BAZ2B: variants seen among roughly 807,000 people sequenced by gnomAD.
The protein encoded by BAZ2B is bromodomain adjacent to zinc finger domain protein 2B.
BAZ2B carries 91 observed loss-of-function variants against 246.0 expected under a neutral mutation model. The ratio of observed to expected loss-of-function variants is 0.37; its 90% CI spans 0.31 to 0.44. The LOEUF (loss-of-function observed/expected upper bound fraction) is 0.44. Among genes scored for constraint, BAZ2B ranks in the 20% least tolerant of loss-of-function variants. BAZ2B has a pLI of 1.00. For synonymous variants in BAZ2B, 855 were observed against 860.0 expected, an observed-to-expected ratio of 0.99 and a Z score of 0.10; for missense variants, 2,332 against 2,533.7, an observed-to-expected ratio of 0.92 and a Z score of 1.71.
chr2:159,588,852 T>C (rs1036748334), intron 1 of BAZ2B, among the ~76,000 whole-genome samples: 1 of 152,178 alleles, frequency 6.6e-6, no homozygotes, highest in Non-Finnish European at 1.5e-5. Flanking sequence ...AAAATTAAAA[T>C]TGTAGTATGA....
chr2:159,504,406 C>A lies in BAZ2B; in HGVS notation c.-2-25685G>T, dbSNP rs778150734. Among the ~76,000 whole-genome samples, 41 of 152,054 alleles carry A rather than the reference C, an allele frequency of 2.7e-4. 1 individual carries two copies. The highest frequency in any genetic ancestry group is 5.3e-4 in the Non-Finnish European group (36 of 67,998). On this transcript the variant is annotated intron_variant, in intron 2 of 36. Transcript: ENST00000392783. ...TGCAGTGGATATTCACAGGCAGACC[C>A]TAGTGCACTTTAGCCTCTAACTCCT...
At chr2:159,376,520 G>A (rs1425471681) in intron 25 of BAZ2B, among the ~76,000 whole-genome samples, 2 of 152,142 alleles carry the variant, frequency 1.3e-5, no homozygotes, top group Non-Finnish European at 2.9e-5. Context: ...TGTGCTAACA[G>A]TAACATGAAT....
At chr2:159,423,483 A>G (rs1309728692) in intron 13 of BAZ2B, among the ~76,000 whole-genome samples, 2 of 152,236 alleles carry the variant, frequency 1.3e-5, no homozygotes, top group Admixed American at 1.3e-4. Context: ...ACTTAAAAAC[A>G]GAACTACCAT....
intron 1 of BAZ2B, among the ~76,000 whole-genome samples, chr2:159,604,367 C>G (rs763818743): frequency 1.3e-5 from 2 of 152,028 alleles, no homozygotes; most frequent in African/African-American, 2.4e-5. Context: ...CTCAGCCTCT[C>G]GAGTAGCTGG....
chr2:159,466,059 T>C (rs1298086430), intron 3 of BAZ2B, among the ~76,000 whole-genome samples: 8 of 152,192 alleles, frequency 5.3e-5, no homozygotes. Flanking sequence ...CCACAAACCA[T>C]CAAGAGCAGG....
intron 1 of BAZ2B, among the ~76,000 whole-genome samples, chr2:159,611,287 T>C (rs1694668601): frequency 6.6e-6 from 1 of 151,908 alleles, no homozygotes; most frequent in African/African-American, 2.4e-5. Flanking sequence ...AAAGTTCACA[T>C]TTCATACACA....
intron 4 of BAZ2B, among the ~76,000 whole-genome samples, chr2:159,450,891 A>C (rs35235613): frequency 0.36 from 55,363 of 151,806 alleles, 10,878 homozygotes; most frequent in Non-Finnish European, 0.46. Context: ...AGGCATGCAC[A>C]ACCATGCCTG....
chr2:159,679,476 G>A, the BAZ2B span, among the ~76,000 whole-genome samples: 1 of 151,970 alleles, frequency 6.6e-6, no homozygotes. Flanking sequence ...GAACATGTGG[G>A]TTATTTTCTG....
the BAZ2B span, among the ~76,000 whole-genome samples, chr2:159,707,329 C>T: frequency 3.9e-5 from 6 of 152,028 alleles, no homozygotes; most frequent in African/African-American, 1.4e-4. Flanking sequence ...GCAGGAGGGT[C>T]TGGGAGGCCA....
intron 2 of BAZ2B, among the ~76,000 whole-genome samples, chr2:159,498,565 A>C (rs2081391947): frequency 1.3e-5 from 2 of 152,184 alleles, no homozygotes; most frequent in Admixed American, 6.5e-5. Flanking sequence ...AGAAGTTAAT[A>C]TGTAATTTTA....
At chr2:159,459,362 A>T (rs1559498435) in intron 3 of BAZ2B, 1 of 152,228 alleles carries the variant, frequency 6.6e-6, no homozygotes, top group Non-Finnish European at 1.5e-5. Context: ...TTAAAAGGCT[A>T]GAATAACCGG....
At chr2:159,619,549 A>T (rs987429137), upstream of BAZ2B, among the ~76,000 whole-genome samples, 15 of 150,734 alleles carry the variant, frequency 1.0e-4, 1 homozygote, top group Admixed American at 8.6e-4. Context: ...AAAATAATAA[A>T]AACTTTAATT....
chr2:159,681,504 T>C, the BAZ2B span, among the ~76,000 whole-genome samples: 1 of 151,260 alleles, frequency 6.6e-6, no homozygotes, highest in Non-Finnish European at 1.5e-5. Context: ...ATATAGCCAC[T>C]GAAATAAAAA....
At chr2:159,550,984 A>AG (rs2088100690) in intron 2 of BAZ2B, among the ~76,000 whole-genome samples, 1 of 152,032 alleles carries the variant, frequency 6.6e-6, no homozygotes, top group Non-Finnish European at 1.5e-5. Context: ...TACAGGCTTG[A>AG]GCCACCATGC....
At chr2:159,603,329 A>G (rs1692626206) in intron 1 of BAZ2B, among the ~76,000 whole-genome samples, 1 of 152,230 alleles carries the variant, frequency 6.6e-6, no homozygotes, top group Non-Finnish European at 1.5e-5. Context: ...AAAAATGGAA[A>G]TTAAAACTTG....
chr2:159,660,155 T>C, the BAZ2B span, among the ~76,000 whole-genome samples: 1 of 152,324 alleles, frequency 6.6e-6, no homozygotes, highest in African/African-American at 2.4e-5. Flanking sequence ...TATTCTACTT[T>C]GTCTCTATTA....
chr2:159,589,531 T>G (rs1289492202), intron 1 of BAZ2B, among the ~76,000 whole-genome samples: 1 of 152,172 alleles, frequency 6.6e-6, no homozygotes, highest in Non-Finnish European at 1.5e-5. Flanking sequence ...AGAAACTATT[T>G]GAGTTACAGT....
At chr2:159,512,068 C>T (rs890429319) in intron 2 of BAZ2B, among the ~76,000 whole-genome samples, 3 of 152,140 alleles carry the variant, frequency 2.0e-5, no homozygotes, top group Non-Finnish European at 2.9e-5. Context: ...AATATATAGA[C>T]AATGTAAAGT....
At chr2:159,315,994 TAAG>T (rs1378179364), downstream of BAZ2B, among the ~76,000 whole-genome samples, 2 of 152,142 alleles carry the variant, frequency 1.3e-5, no homozygotes, top group African/African-American at 4.8e-5. Context: ...TTAAAAACAA[TAAG>T]ATTTATAGCA....
Sources: allele counts gnomAD v4.1 joint callset (sites outside exome capture counted in the v4.1 genomes callset), GRCh38; gene constraint gnomAD v4.1.1; transcripts MANE v1.5; gene names NCBI Gene and HGNC (gene_info 2026-07-23, HGNC 2026-07-21).